ZSCAN5A: variants seen among roughly 807,000 people sequenced by gnomAD.
The protein encoded by ZSCAN5A is zinc finger and SCAN domain containing 5A.
In ZSCAN5A, 12 loss-of-function variants were observed where a neutral mutation model predicts 23.7. That is an observed-to-expected ratio of 0.51 (90% CI 0.32 to 0.82). The LOEUF (loss-of-function observed/expected upper bound fraction) is 0.82. Ranked by LOEUF, ZSCAN5A falls within the 40% of genes least tolerant of loss-of-function variation. The pLI, the probability that ZSCAN5A is intolerant of heterozygous loss-of-function variation, is 0.03. For missense variants in ZSCAN5A, 597 were observed against 617.9 expected (o/e 0.97, Z 0.36); for synonymous variants, 257 against 239.9 (o/e 1.07, Z -0.66).
At chr19:56,333,249 T>C (rs1233832176) in intron 2 of ZSCAN5A, among the ~76,000 whole-genome samples, 1 of 152,146 alleles carries the variant, frequency 6.6e-6, no homozygotes, top group Non-Finnish European at 1.5e-5. Flanking sequence ...CTCTCAAATA[T>C]GTTTTCCAGG....
chr19:56,244,017 A>G (rs184613135), intron 2 of ZSCAN5A: 34 of 781,728 alleles, frequency 4.3e-5, no homozygotes, highest in Middle Eastern at 2.4e-4. Context: ...TTTCTCAGAG[A>G]CTGACTGAAA....
chr19:56,272,235 G>T (rs1482291651), intron 2 of ZSCAN5A, among the ~76,000 whole-genome samples: 1 of 152,170 alleles, frequency 6.6e-6, no homozygotes, highest in African/African-American at 2.4e-5. Context: ...TGCTTGCTTT[G>T]TTGTTTTTCT....
intron 2 of ZSCAN5A, among the ~76,000 whole-genome samples, chr19:56,360,991 C>A (rs1260253539): frequency 6.6e-6 from 1 of 151,780 alleles, no homozygotes; most frequent in Non-Finnish European, 1.5e-5. Flanking sequence ...AGCAAATTTA[C>A]AAAAAACAAA....
chr19:56,303,055 G>A (rs2040450115), intron 2 of ZSCAN5A: 1 of 395,242 alleles, frequency 2.5e-6, no homozygotes, highest in Non-Finnish European at 4.5e-6. Context: ...CCTTTCTGCA[G>A]GAGGTGACAC....
chr19:56,244,017 A>C (rs184613135), intron 2 of ZSCAN5A: 1 of 781,610 alleles, frequency 1.3e-6, no homozygotes, highest in African/African-American at 1.7e-5. Context: ...TTTCTCAGAG[A>C]CTGACTGAAA....
At chr19:56,308,201 G>C (rs2040822161) in intron 2 of ZSCAN5A, among the ~76,000 whole-genome samples, 1 of 151,076 alleles carries the variant, frequency 6.6e-6, no homozygotes, top group African/African-American at 2.4e-5. Context: ...GCCCAGCTAA[G>C]TTTTGTACTT....
intron 2 of ZSCAN5A, chr19:56,321,144 C>T (rs2147423258): frequency 1.5e-6 from 1 of 660,434 alleles, no homozygotes; most frequent in South Asian, 1.5e-5. Flanking sequence ...TGTCGCCCCT[C>T]TTCTCACCTC....
intron 2 of ZSCAN5A, among the ~76,000 whole-genome samples, chr19:56,309,352 G>A (rs957402900): frequency 6.6e-6 from 1 of 152,196 alleles, no homozygotes; most frequent in Non-Finnish European, 1.5e-5. Flanking sequence ...TTGGGTTGAT[G>A]AAAATGTTCC....
intron 2 of ZSCAN5A, among the ~76,000 whole-genome samples, chr19:56,335,036 C>A (rs149652976): frequency 3.6e-4 from 55 of 152,206 alleles, no homozygotes; most frequent in Middle Eastern, 6.8e-3. Flanking sequence ...TGCAAGGAAG[C>A]TAAAAAGTCA....
At chr19:56,295,191 G>T (rs1428403709) in intron 2 of ZSCAN5A, 1 of 152,162 alleles carries the variant, frequency 6.6e-6, no homozygotes, top group Non-Finnish European at 1.5e-5. Flanking sequence ...TAATATACCA[G>T]TCAAGTTGTT....
chr19:56,221,714 T>A lies in ZSCAN5A; in HGVS notation c.1352A>T (p.Tyr451Phe). Residue 451 changes from tyrosine to phenylalanine, a missense_variant, in exon 6 of 6, where the codon TAC becomes TTC. Tyr to Phe is a conservative substitution (Grantham distance 22). Coordinates refer to ENST00000683990, the MANE Select transcript of ZSCAN5A (RefSeq NM_001322064.3). ...CTGGTGCTCCTTCAGGCTCCCCCTG[T>A]AGGTGAAAACTTTCTTGCAGTCTTT... ...ECKDCKKVFT[Y>F]RGSLKEHQRI... is the part of the protein sequence containing the mutation. 1 of 1,614,216 alleles carries A rather than the reference T, an allele frequency of 6.2e-7. No homozygotes were observed.
intron 2 of ZSCAN5A, among the ~76,000 whole-genome samples, chr19:56,252,949 G>C (rs1361665180): frequency 6.6e-6 from 1 of 152,252 alleles, no homozygotes; most frequent in Admixed American, 6.5e-5. Context: ...AAGACAAGAT[G>C]GCGGCGCAGT....
upstream of ZSCAN5A, among the ~76,000 whole-genome samples, chr19:56,318,797 C>T (rs1403478413): frequency 6.6e-6 from 1 of 152,188 alleles, no homozygotes; most frequent in Non-Finnish European, 1.5e-5. Context: ...AGGGATCACG[C>T]ATTTAATAGC....
Position 56,321,877 on chromosome 19 carries a change from G to GGCAC in ZSCAN5A, c.-357-5613_-357-5610dup, listed in dbSNP as rs2041379498. 3.7e-6 allele frequency: 3 copies of GGCAC among 805,734 alleles called. No individual in the cohort carries two copies. In the South Asian group the frequency reaches 4.0e-5, roughly 11 times the overall value. The allele number at this position is 805,734 out of a possible 1,614,324, so 49.9% of individuals were successfully genotyped here. A position where few individuals can be genotyped will look rare whatever the true frequency, so the allele number is the denominator to read the frequency against. ...AATGGGGAGAAATTTCTGGCAGGTTGGCACGCTCATCAAGGGCTTCTGTTA... is the reference window on the plus strand; with the variant it reads ...AATGGGGAGAAATTTCTGGCAGGTTGGCACGCACGCTCATCAAGGGCTTCTGTTA... On this transcript the variant is annotated intron_variant, in intron 2 of 6. Transcript: ENST00000587340.
intron 2 of ZSCAN5A, among the ~76,000 whole-genome samples, chr19:56,267,162 G>A (rs532979983): frequency 4.6e-5 from 7 of 152,164 alleles, no homozygotes; most frequent in Admixed American, 2.0e-4. Context: ...CAACCCCATC[G>A]GTCTCTAACA....
At chr19:56,244,734 G>T in intron 2 of ZSCAN5A, among the ~76,000 whole-genome samples, 1 of 150,328 alleles carries the variant, frequency 6.7e-6, no homozygotes. Context: ...ACAGGCAGAG[G>T]GGGTACAGGG....
At chr19:56,222,351 CA>C (rs1568603271) in intron 5 of ZSCAN5A, 25 bp from the exon 6 acceptor site, 1 of 1,605,450 alleles carries the variant, frequency 6.2e-7, no homozygotes, top group Non-Finnish European at 8.5e-7. Context: ...TCCACACACA[CA>C]GTTAATAAAG....
chr19:56,251,515 C>T lies in ZSCAN5A; in HGVS notation c.-127-26342G>A, dbSNP rs187116658. On this transcript the variant is annotated intron_variant, in intron 2 of 5. Transcript: ENST00000683990. The stretch of plus-strand genomic sequence containing the variant: ...GCATTTAATATAAAGCAGGGGCTGG[C>T]ACACGATGGCCTGCTACCTTCAATA... Among the ~76,000 whole-genome samples the T allele has an allele frequency of 1.3e-3, 202 of 152,190 alleles. 1 individual carries two copies. The highest frequency in any genetic ancestry group is 3.7e-3 in the African/African-American group (154 of 41,492).
rs543156813 is a variant in ZSCAN5A at position 56,274,003 on chromosome 19, A to G, written c.-128+39280T>C. ...TGGTCATCAGGGTGAAGATGGGGATAAGTAGAAGGTTACGAGGCACTGAGG... is the reference window on the plus strand; with the variant it reads ...TGGTCATCAGGGTGAAGATGGGGATGAGTAGAAGGTTACGAGGCACTGAGG... On this transcript the variant is annotated intron_variant, in intron 2 of 5. Transcript: ENST00000683990. 4.6e-5 allele frequency among the ~76,000 whole-genome samples: 7 copies of G among 152,254 alleles called. No homozygotes were observed. In the South Asian group the frequency reaches 1.4e-3, roughly 32 times the overall value.
Sources: gnomAD v4.1 joint callset for allele counts (sites outside exome capture counted in the v4.1 genomes callset) on GRCh38, gnomAD v4.1.1 for gene constraint, MANE v1.5 for transcripts, NCBI Gene and HGNC (gene_info 2026-07-23, HGNC 2026-07-21) for gene names.